RPS6KA2: variants seen among roughly 807,000 people sequenced by gnomAD.
RPS6KA2 encodes ribosomal protein S6 kinase A2.
A neutral mutation model predicts 91.8 loss-of-function variants in RPS6KA2; 42 were observed. The ratio of observed to expected loss-of-function variants is 0.46; its 90% confidence interval spans 0.36 to 0.59. The LOEUF is 0.59. Ranked by LOEUF, RPS6KA2 falls within the 20% of genes least tolerant of loss-of-function variation. The pLI is 0.00. For synonymous variants in RPS6KA2, 414 were observed against 393.6 expected, an observed-to-expected ratio of 1.05 and a Z score of -0.61; for missense variants, 798 against 978.5, an observed-to-expected ratio of 0.82 and a Z score of 2.46.
At chr6:166,627,261 G>A, upstream of RPS6KA2, 1 of 1,009,088 alleles carries the variant, frequency 9.9e-7, no homozygotes, top group Non-Finnish European at 1.2e-6. Flanking sequence ...TACCAGCGCC[G>A]GCCACGCGCC....
At position 166,433,231 on chromosome 6, in the gene RPS6KA2, G is replaced by A. The variant is rs553600180; in HGVS notation, c.1333-741C>T. On this transcript the variant is annotated intron_variant, in intron 14 of 20. Transcript: ENST00000265678. This position sits in a 1 kb window ranked among gnomAD's most constrained non-coding sequence, Gnocchi z 4.4. ...GTGAGGCGCATGGCTCTCACCAAGAGATGCTGGGGATGGTGCGCAGGCCAG... is the reference window on the plus strand; with the variant it reads ...GTGAGGCGCATGGCTCTCACCAAGAAATGCTGGGGATGGTGCGCAGGCCAG... 6.6e-6 allele frequency among the ~76,000 whole-genome samples: 1 copy of A among 152,178 alleles called. No individual in the cohort carries two copies. The highest frequency in any genetic ancestry group is 2.4e-5 in the African/African-American group (1 of 41,442).
chr6:166,772,566 A>G (rs543287709), intron 2 of RPS6KA2, among the ~76,000 whole-genome samples: 1 of 152,334 alleles, frequency 6.6e-6, no homozygotes, highest in South Asian at 2.1e-4. Flanking sequence ...GACCCGGTGG[A>G]ACATAAATGA....
intron 1 of RPS6KA2, among the ~76,000 whole-genome samples, chr6:166,595,961 T>C (rs914027934): frequency 6.6e-6 from 1 of 152,248 alleles, no homozygotes; most frequent in Non-Finnish European, 1.5e-5. Flanking sequence ...ATCCAACCAG[T>C]TTTTTAAAGC....
rs1786895695 is a variant in RPS6KA2, at chr6:166,626,763, G to A, written c.99+158C>T. 6.6e-6 allele frequency among the ~76,000 whole-genome samples: 1 copy of A among 152,168 alleles called. No individual in the cohort carries two copies. The highest frequency in any genetic ancestry group is 6.5e-5 in the Admixed American group (1 of 15,286). On this transcript the variant is annotated intron_variant, in intron 1 of 20. Transcript: ENST00000265678. The surrounding 1 kb of genome is among the most constrained non-coding windows in gnomAD (Gnocchi z 4.1). Reference sequence around the variant, plus strand: ...CTACGGAGTCCCAGCGATAACGTTTGGAGCCGTTTGGTTCGATTTTCGGAA... The same window carrying A: ...CTACGGAGTCCCAGCGATAACGTTTAGAGCCGTTTGGTTCGATTTTCGGAA...
chr6:166,740,616 C>T (rs887842712), intron 2 of RPS6KA2, among the ~76,000 whole-genome samples: 3 of 152,148 alleles, frequency 2.0e-5, no homozygotes, highest in African/African-American at 4.8e-5. Context: ...TTTCTTCTTA[C>T]AAAAGAACTC....
At position 166,666,991 on chromosome 6, in the gene RPS6KA2, A is replaced by C. The variant is rs991767398; in HGVS notation, c.124-128207T>G. On this transcript the variant is annotated intron_variant, in intron 2 of 21. Coordinates refer to the RPS6KA2 transcript ENST00000503859. The surrounding 1 kb of genome is among the most constrained non-coding windows in gnomAD (Gnocchi z 4.0). ...ACATTATGTGAAGTGAAATAAGCTG[A>C]TCACAAAAAGACAAATACTGTATGA... 5.9e-5 allele frequency among the ~76,000 whole-genome samples: 9 copies of C among 152,258 alleles called. No homozygotes were observed. The highest frequency in any genetic ancestry group is 2.2e-4 in the African/African-American group (9 of 41,464).
At chr6:166,760,569 T>C (rs1487449278) in intron 2 of RPS6KA2, among the ~76,000 whole-genome samples, 2 of 152,178 alleles carry the variant, frequency 1.3e-5, no homozygotes, top group Non-Finnish European at 2.9e-5. Context: ...GAAACTAGCA[T>C]AGGTTAGATC....
At chr6:166,664,985 C>T (rs369036917) in intron 2 of RPS6KA2, among the ~76,000 whole-genome samples, 75 of 152,322 alleles carry the variant, frequency 4.9e-4, no homozygotes, top group African/African-American at 1.7e-3. Context: ...CGGCTCACAC[C>T]TGTAACCCCA....
chr6:166,442,745 T>G (rs977194575), intron 14 of RPS6KA2, among the ~76,000 whole-genome samples: 1 of 152,168 alleles, frequency 6.6e-6, no homozygotes, highest in African/African-American at 2.4e-5. Flanking sequence ...TTATGCCTAT[T>G]ATGACATCTA....
intron 2 of RPS6KA2, among the ~76,000 whole-genome samples, chr6:166,668,975 C>T (rs957929048): frequency 3.2e-4 from 49 of 151,500 alleles, no homozygotes; most frequent in Non-Finnish European, 5.3e-4. Flanking sequence ...CCTGTAGCCT[C>T]GACCTCCCAG....
intron 2 of RPS6KA2, among the ~76,000 whole-genome samples, chr6:166,804,788 C>T (rs184481473): frequency 1.3e-5 from 2 of 152,158 alleles, no homozygotes; most frequent in African/African-American, 2.4e-5. Context: ...TTTTTGAACA[C>T]AAATGATCTG....
rs76577187 is a variant in RPS6KA2, at chr6:166,462,828, C to T, written c.973-3277G>A. 9.8e-4 allele frequency among the ~76,000 whole-genome samples: 150 copies of T among 152,374 alleles called. 2 individuals carry two copies. The East Asian group carries it at 0.027, about 27-fold the overall frequency. ...CCCAACAAGACCAGAGGGAGGCATG[C>T]GTGTGAGAGTGGACGGAGCGCTTGC... On this transcript the variant is annotated intron_variant, in intron 11 of 20. Coordinates refer to ENST00000265678, the MANE Select transcript of RPS6KA2 (RefSeq NM_021135.6).
At chr6:166,837,300 C>G (rs1320982813) in intron 2 of RPS6KA2, among the ~76,000 whole-genome samples, 2 of 152,124 alleles carry the variant, frequency 1.3e-5, no homozygotes, top group African/African-American at 2.4e-5. Context: ...CTCGGCCGCT[C>G]CCTGACCCCT....
rs183407309 is a variant in RPS6KA2 at position 166,563,255 on chromosome 6, C to T, written c.100-24471G>A. Among the ~76,000 whole-genome samples, 4 of 152,272 alleles carry T rather than the reference C, an allele frequency of 2.6e-5. No individual in the cohort carries two copies. The highest frequency in any genetic ancestry group is 3.9e-4 in the East Asian group (2 of 5,178). ...GAAGGAAGATGGAGAAGGCATCCTC[C>T]GGTGGGATGGGGTGGAGCTGGGAGA... On this transcript the variant is annotated intron_variant, in intron 1 of 20. Coordinates refer to ENST00000265678, the MANE Select transcript of RPS6KA2 (RefSeq NM_021135.6). The surrounding 1 kb of genome is among the most constrained non-coding windows in gnomAD (Gnocchi z 4.1).
chr6:166,629,321 G>C (rs761430417), upstream of RPS6KA2, among the ~76,000 whole-genome samples: 3 of 152,248 alleles, frequency 2.0e-5, no homozygotes, highest in Non-Finnish European at 2.9e-5. Flanking sequence ...GGCTTGTGTT[G>C]TACCAACAAT....
chr6:166,761,993 G>C (rs557977059), intron 2 of RPS6KA2, among the ~76,000 whole-genome samples: 1 of 152,332 alleles, frequency 6.6e-6, no homozygotes, highest in Admixed American at 6.5e-5. Flanking sequence ...AAGTGGCCGA[G>C]GATAACCCTG....
At chr6:166,526,878 C>T (rs920563437) in intron 3 of RPS6KA2, among the ~76,000 whole-genome samples, 2 of 152,242 alleles carry the variant, frequency 1.3e-5, no homozygotes, top group Non-Finnish European at 2.9e-5. Flanking sequence ...CATGTGTGTA[C>T]ACACAAATAC....
rs1228672235 is a variant in RPS6KA2, at chr6:166,433,285, G to A, written c.1333-795C>T. 3.3e-5 allele frequency among the ~76,000 whole-genome samples: 5 copies of A among 152,302 alleles called. No homozygotes were observed. Among genetic ancestry groups the A allele is most frequent in the African/African-American group, 9.6e-5 (4 of 41,580 alleles). ...TGCCTTGCTGTTTAGACATATGCAA[G>A]CTCCCCTCCCCCGCCCAGCATCTGT... On this transcript the variant is annotated intron_variant, in intron 14 of 20. Coordinates refer to ENST00000265678, the MANE Select transcript of RPS6KA2 (RefSeq NM_021135.6). The surrounding 1 kb of genome is among the most constrained non-coding windows in gnomAD (Gnocchi z 4.4).
chr6:166,449,754 GA>G (rs1479364672), intron 13 of RPS6KA2, among the ~76,000 whole-genome samples: 1 of 151,918 alleles, frequency 6.6e-6, no homozygotes, highest in Non-Finnish European at 1.5e-5. Flanking sequence ...GAACACCATG[GA>G]ATACCACCAC....
Sources: allele counts gnomAD v4.1 joint callset (sites outside exome capture counted in the v4.1 genomes callset), GRCh38; gene constraint gnomAD v4.1.1; non-coding constraint Gnocchi (gnomAD v3.1); transcripts MANE v1.5; gene names NCBI Gene and HGNC (gene_info 2026-07-23, HGNC 2026-07-21).